Variants in GALNTL6 observed in about 807,000 individuals in gnomAD.
GALNTL6 encodes the protein polypeptide N-acetylgalactosaminyltransferase like 6.
GALNTL6 carries 46 observed loss-of-function variants against 73.7 expected under a neutral mutation model. The ratio of observed to expected loss-of-function variants is 0.62; its 90% CI spans 0.49 to 0.80. The LOEUF is 0.80. Among genes scored for constraint, GALNTL6 ranks in the 30% least tolerant of loss-of-function variants. The probability of loss-of-function intolerance (pLI) is 0.00; values close to 1 mark genes in which losing one functional copy is unlikely to be tolerated. For synonymous variants in GALNTL6, 259 were observed against 263.7 expected (o/e 0.98, Z 0.17); for missense variants, 604 against 755.0 (o/e 0.80, Z 2.34).
At position 172,248,720 on chromosome 4, in the gene GALNTL6, A is replaced by G. The variant is rs554804910; in HGVS notation, c.247+18956A>G. On this transcript the variant is annotated intron_variant, in intron 3 of 12. Coordinates refer to ENST00000506823, the MANE Select transcript of GALNTL6 (RefSeq NM_001034845.3). ...ATCATGGGGGTGGTTCCCCCATGCT[A>G]TTCTTGTGATAATGAGTAAGTTTTC... Among the ~76,000 whole-genome samples, 24 of 152,020 alleles carry G rather than the reference A, an allele frequency of 1.6e-4. No homozygotes were observed. In the South Asian group the frequency reaches 3.9e-3, roughly 25 times the overall value.
chr4:173,017,189 A>T (rs1752817541), intron 11 of GALNTL6, among the ~76,000 whole-genome samples: 1 of 152,224 alleles, frequency 6.6e-6, no homozygotes, highest in Non-Finnish European at 1.5e-5. Context: ...TATTAGCAGC[A>T]TGAGAATGGA....
chr4:172,188,103 C>A (rs1477056900), intron 2 of GALNTL6, among the ~76,000 whole-genome samples: 1 of 152,160 alleles, frequency 6.6e-6, no homozygotes, highest in Non-Finnish European at 1.5e-5. Flanking sequence ...CTGATGGTAT[C>A]TTAAATCATT....
At chr4:171,998,159 A>G (rs1256013571) in intron 2 of GALNTL6, among the ~76,000 whole-genome samples, 1 of 152,178 alleles carries the variant, frequency 6.6e-6, no homozygotes, top group Non-Finnish European at 1.5e-5. Context: ...GTAATTACTG[A>G]TCATAACTTT....
chr4:172,528,463 T>C (rs1217508146), intron 5 of GALNTL6, among the ~76,000 whole-genome samples: 4 of 150,588 alleles, frequency 2.7e-5, no homozygotes, highest in African/African-American at 9.8e-5. Flanking sequence ...GTTCAAGTGA[T>C]TCTCCTGCCT....
intron 5 of GALNTL6, among the ~76,000 whole-genome samples, chr4:172,607,084 A>G (rs2111039958): frequency 6.6e-6 from 1 of 152,144 alleles, no homozygotes; most frequent in East Asian, 1.9e-4. Context: ...TGATGTATAA[A>G]TGATATTTGA....
intron 3 of GALNTL6, among the ~76,000 whole-genome samples, chr4:172,299,183 A>G (rs1458402496): frequency 6.6e-6 from 1 of 152,090 alleles, no homozygotes; most frequent in African/African-American, 2.4e-5. Flanking sequence ...CTCTGATGGT[A>G]GTTTGTATTT....
At chr4:172,790,347 G>A (rs1035625881) in intron 5 of GALNTL6, among the ~76,000 whole-genome samples, 1 of 152,196 alleles carries the variant, frequency 6.6e-6, no homozygotes, top group Admixed American at 6.5e-5. Flanking sequence ...TAACTCGGGT[G>A]TTGTATGAGG....
intron 2 of GALNTL6, among the ~76,000 whole-genome samples, chr4:172,206,646 A>T (rs1736118952): frequency 6.6e-6 from 1 of 152,050 alleles, no homozygotes; most frequent in African/African-American, 2.4e-5. Context: ...GACCTGAATG[A>T]TGAGAAAGAG....
intron 5 of GALNTL6, among the ~76,000 whole-genome samples, chr4:172,426,916 T>TTATATA (rs35184907): frequency 1.5e-4 from 23 of 149,378 alleles, no homozygotes; most frequent in African/African-American, 4.9e-4. Flanking sequence ...GTAAGGACTC[T>TTATATA]TATATATATA....
intron 10 of GALNTL6, among the ~76,000 whole-genome samples, chr4:172,968,415 T>C (rs1001445370): frequency 2.0e-5 from 3 of 152,162 alleles, no homozygotes; most frequent in East Asian, 1.9e-4. Context: ...GAACCAGTAA[T>C]GTAAACCATG....
At chr4:172,494,993 C>G (rs938084428) in intron 5 of GALNTL6, among the ~76,000 whole-genome samples, 1 of 152,168 alleles carries the variant, frequency 6.6e-6, no homozygotes, top group Non-Finnish European at 1.5e-5. Context: ...CCATCATACA[C>G]CCTCACTGAA....
At chr4:172,753,269 G>GC (rs1206997704) in intron 5 of GALNTL6, among the ~76,000 whole-genome samples, 1 of 152,090 alleles carries the variant, frequency 6.6e-6, no homozygotes, top group East Asian at 1.9e-4. Context: ...TGATTGTGAA[G>GC]CCCCCACCTC....
intron 2 of GALNTL6, among the ~76,000 whole-genome samples, chr4:171,923,194 T>A (rs1263301675): frequency 6.6e-6 from 1 of 152,152 alleles, no homozygotes; most frequent in Non-Finnish European, 1.5e-5. Flanking sequence ...TCTCTTTGTT[T>A]TGTTTCAATT....
intron 5 of GALNTL6, among the ~76,000 whole-genome samples, chr4:172,642,702 A>G (rs1271584120): frequency 6.6e-6 from 1 of 152,024 alleles, no homozygotes; most frequent in Non-Finnish European, 1.5e-5. Context: ...GGCTGAAAGT[A>G]GCTTTTAAGT....
At chr4:172,219,557 G>A (rs935661854) in intron 2 of GALNTL6, among the ~76,000 whole-genome samples, 1 of 151,764 alleles carries the variant, frequency 6.6e-6, no homozygotes, top group African/African-American at 2.4e-5. Flanking sequence ...GTACAGAGTA[G>A]ATACCAGGAA....
intron 5 of GALNTL6, among the ~76,000 whole-genome samples, chr4:172,360,861 T>A (rs1195759529): frequency 6.6e-6 from 1 of 152,190 alleles, no homozygotes; most frequent in Non-Finnish European, 1.5e-5. Context: ...ACCCAGAAGA[T>A]AGGAAGTCTA....
intron 5 of GALNTL6, among the ~76,000 whole-genome samples, chr4:172,573,628 C>T (rs1449149970): frequency 6.6e-6 from 1 of 152,116 alleles, no homozygotes; most frequent in Non-Finnish European, 1.5e-5. Context: ...ATCTATTCTT[C>T]TCCAGGGTAT....
rs192727376 is a variant in GALNTL6, at chr4:172,651,107, C to T, written c.554-158254C>T. Among the ~76,000 whole-genome samples, 143 of 152,162 alleles carry T rather than the reference C, an allele frequency of 9.4e-4. 1 individual carries two copies. Among genetic ancestry groups the T allele is most frequent in the African/African-American group, 3.1e-3 (129 of 41,512 alleles). On this transcript the variant is annotated intron_variant, in intron 5 of 12. Transcript: ENST00000506823. ...CAATTTTTAGGCAAATGTTGTACACCACACTGTCTTATTAGTCCATGTGTA... is the reference window on the plus strand; with the variant it reads ...CAATTTTTAGGCAAATGTTGTACACTACACTGTCTTATTAGTCCATGTGTA...
chr4:172,453,979 T>A (rs1732305440), intron 5 of GALNTL6, among the ~76,000 whole-genome samples: 1 of 152,186 alleles, frequency 6.6e-6, no homozygotes, highest in African/African-American at 2.4e-5. Flanking sequence ...AAGGAATTAA[T>A]CTACTTTAAG....
Sources: allele counts gnomAD v4.1 joint callset (sites outside exome capture counted in the v4.1 genomes callset), GRCh38; gene constraint gnomAD v4.1.1; transcripts MANE v1.5; gene names NCBI Gene and HGNC (gene_info 2026-07-23, HGNC 2026-07-21).